Variants in ANKRD6 observed in about 807,000 individuals in gnomAD.
ANKRD6 encodes the protein ankyrin repeat domain-containing protein 6.
ANKRD6 carries 56 observed loss-of-function variants against 82.3 expected under a neutral mutation model. The ratio of observed to expected loss-of-function variants is 0.68; its 90% CI spans 0.55 to 0.85. The LOEUF (loss-of-function observed/expected upper bound fraction) is 0.85. ANKRD6 is among the 40% of genes least tolerant of loss of function. The pLI is 0.00. For missense variants in ANKRD6, 852 were observed against 907.6 expected (o/e 0.94, Z 0.79); for synonymous variants, 347 against 352.1 (o/e 0.99, Z 0.16).
chr6:89,493,584 A>G (rs762302963), intron 1 of ANKRD6, among the ~76,000 whole-genome samples: 2 of 151,236 alleles, frequency 1.3e-5, no homozygotes, highest in Non-Finnish European at 3.0e-5. Context: ...TAATTTTTAA[A>G]TTTTTTTTTG....
intron 1 of ANKRD6, among the ~76,000 whole-genome samples, chr6:89,502,464 G>A (rs900435949): frequency 6.6e-6 from 1 of 151,890 alleles, no homozygotes; most frequent in Non-Finnish European, 1.5e-5. Context: ...TGGGCAAGGT[G>A]GCGAAACCAT....
At chr6:89,475,405 A>G (rs1775928135) in intron 1 of ANKRD6, among the ~76,000 whole-genome samples, 1 of 152,230 alleles carries the variant, frequency 6.6e-6, no homozygotes, top group African/African-American at 2.4e-5. Context: ...GGAGGTAAAC[A>G]GAAAACAATC....
At chr6:89,506,153 T>C (rs532060160) in intron 1 of ANKRD6, among the ~76,000 whole-genome samples, 2 of 152,290 alleles carry the variant, frequency 1.3e-5, no homozygotes, top group Admixed American at 6.5e-5. Flanking sequence ...ATGGTGACTA[T>C]AGTTAGTGTA....
At chr6:89,532,902 T>G (rs1305466311) in intron 1 of ANKRD6, among the ~76,000 whole-genome samples, 1 of 147,912 alleles carries the variant, frequency 6.8e-6, no homozygotes, top group Admixed American at 6.8e-5. Context: ...TGAGATGGAG[T>G]CTCGCTCTGT....
intron 3 of ANKRD6, 94 bp from the exon 4 acceptor site, chr6:89,602,935 G>C: frequency 9.8e-7 from 1 of 1,019,986 alleles, no homozygotes; most frequent in South Asian, 1.4e-5. Context: ...GTGTGGGGAC[G>C]GGAGGGGTCC....
At chr6:89,530,832 G>A (rs146283807) in intron 1 of ANKRD6, among the ~76,000 whole-genome samples, 26 of 152,308 alleles carry the variant, frequency 1.7e-4, no homozygotes, top group African/African-American at 5.5e-4. Flanking sequence ...GGTATCTCCC[G>A]GCTCTGCCAT....
chr6:89,516,669 G>A (rs372508117), intron 1 of ANKRD6, among the ~76,000 whole-genome samples: 4 of 152,246 alleles, frequency 2.6e-5, no homozygotes, highest in South Asian at 4.1e-4. Context: ...TAGAGACGGG[G>A]TTTTGCCGTG....
At chr6:89,486,861 A>G (rs1777437622) in intron 1 of ANKRD6, among the ~76,000 whole-genome samples, 1 of 152,162 alleles carries the variant, frequency 6.6e-6, no homozygotes. Context: ...CTCTTCTCAT[A>G]AGGGCACTAA....
At chr6:89,608,730 T>C (rs1354544919) in intron 5 of ANKRD6, among the ~76,000 whole-genome samples, 1 of 152,098 alleles carries the variant, frequency 6.6e-6, no homozygotes, top group Non-Finnish European at 1.5e-5. Flanking sequence ...CCCTCTCCAG[T>C]CCCTCATTAC....
At chr6:89,580,207 AT>A (rs568680402) in intron 2 of ANKRD6, among the ~76,000 whole-genome samples, 5,893 of 143,270 alleles carry the variant, frequency 0.041, 315 homozygotes, top group African/African-American at 0.13. Context: ...GAGAAACTTG[AT>A]TTTTTTTTTT....
chr6:89,435,577 C>T (rs141557228), intron 1 of ANKRD6, among the ~76,000 whole-genome samples: 95 of 152,202 alleles, frequency 6.2e-4, no homozygotes, highest in African/African-American at 2.2e-3. Context: ...GTCTCAAAGT[C>T]GGGGGATCTT....
intron 7 of ANKRD6, among the ~76,000 whole-genome samples, chr6:89,614,821 A>AC (rs1230579269): frequency 1.5e-5 from 2 of 131,720 alleles, no homozygotes; most frequent in African/African-American, 5.8e-5. Context: ...ACAGAATGAG[A>AC]CCCCGTCTCT....
At chr6:89,463,300 AT>A (rs1172863370) in intron 1 of ANKRD6, among the ~76,000 whole-genome samples, 2 of 152,120 alleles carry the variant, frequency 1.3e-5, no homozygotes, top group African/African-American at 4.8e-5. Flanking sequence ...ACTGCAAAAT[AT>A]TTTATCGTAT....
rs1485642680 is a variant in ANKRD6, at chr6:89,602,835, C to T, written c.220-194C>T. 9.4e-6 allele frequency: 5 copies of T among 529,774 alleles called. No homozygotes were observed. In the South Asian group the frequency reaches 1.1e-4, roughly 12 times the overall value. The allele number at this position is 529,774 out of a possible 1,614,324, so 32.8% of individuals were successfully genotyped here. On this transcript the variant is annotated intron_variant, in intron 3 of 15. Coordinates refer to ENST00000339746, the MANE Select transcript of ANKRD6 (RefSeq NM_001242809.2). ...CCCTCTTAGTTTATGAACAAAATTT[C>T]TCTGCCAGCGTGCGTTGTCTACTAA...
At chr6:89,437,512 A>G (rs73506102) in intron 1 of ANKRD6, among the ~76,000 whole-genome samples, 3,449 of 152,248 alleles carry the variant, frequency 0.023, 54 homozygotes, top group African/African-American at 0.051. Flanking sequence ...GAAGTAAATA[A>G]TAATATATTA....
chr6:89,617,760 AC>A (rs1400253261), intron 8 of ANKRD6, among the ~76,000 whole-genome samples, 193 bp from the exon 9 acceptor site: 2 of 152,064 alleles, frequency 1.3e-5, no homozygotes, highest in African/African-American at 4.8e-5. Context: ...TTCCAGTGTG[AC>A]CCACCTCCCT....
intron 1 of ANKRD6, among the ~76,000 whole-genome samples, chr6:89,515,113 A>C (rs1781049511): frequency 6.6e-6 from 1 of 152,130 alleles, no homozygotes; most frequent in South Asian, 2.1e-4. Flanking sequence ...ATGAACTATA[A>C]ATCTCCTGTC....
At chr6:89,539,995 A>G (rs1784286405) in intron 1 of ANKRD6, among the ~76,000 whole-genome samples, 1 of 151,590 alleles carries the variant, frequency 6.6e-6, no homozygotes. Context: ...ATTATTTTTT[A>G]TGGCTGAATA....
rs367690340 is a variant in ANKRD6, at chr6:89,603,087, C to T, written c.278C>T (p.Ala93Val). The change falls in exon 4 of 16, where the codon GCG (alanine) becomes GTG (valine). Residue 93 changes from alanine to valine, a missense_variant. Physicochemically the swap from Ala to Val is moderately conservative, Grantham distance 64. Transcript: ENST00000339746. ...GTGGGGAACACGGAGATCATCGCGG[C>T]GCTCATCCACGAAGGGTGTGCCCTG... The part of the protein sequence containing the change: ...TVVGNTEIIA[A>V]LIHEGCALDR... 3.2e-5 allele frequency: 52 copies of T among 1,607,832 alleles called. No individual in the cohort carries two copies. Among genetic ancestry groups the T allele is most frequent in the African/African-American group, 9.4e-5 (7 of 74,818 alleles).
Sources: allele counts gnomAD v4.1 joint callset (sites outside exome capture counted in the v4.1 genomes callset), GRCh38; gene constraint gnomAD v4.1.1; transcripts MANE v1.5; gene names NCBI Gene and HGNC (gene_info 2026-07-23, HGNC 2026-07-21).